PPP1R14C: variants seen among roughly 807,000 people sequenced by gnomAD.
The protein encoded by PPP1R14C is protein phosphatase 1 regulatory subunit 14C.
In PPP1R14C, 16 loss-of-function variants were observed where a neutral mutation model predicts 20.4. The ratio of observed to expected loss-of-function variants is 0.78; its 90% confidence interval spans 0.53 to 1.19. The LOEUF is 1.19. Ranked by LOEUF, PPP1R14C falls within the 50% of genes most tolerant of loss-of-function variation. The pLI, the probability that PPP1R14C is intolerant of heterozygous loss-of-function variation, is 0.00. For missense variants in PPP1R14C, 211 were observed against 220.1 expected (o/e 0.96, Z 0.26); for synonymous variants, 91 against 91.0 (o/e 1.00, Z 0.00).
intron 3 of PPP1R14C, among the ~76,000 whole-genome samples, chr6:150,237,692 G>A (rs757662124): frequency 6.6e-6 from 1 of 152,154 alleles, no homozygotes; most frequent in Non-Finnish European, 1.5e-5. Flanking sequence ...TTGAGGTGAG[G>A]TCTTATTGTC....
At chr6:150,177,192 C>T (rs1020018885) in intron 1 of PPP1R14C, among the ~76,000 whole-genome samples, 1 of 152,220 alleles carries the variant, frequency 6.6e-6, no homozygotes, top group East Asian at 1.9e-4. Flanking sequence ...ATCTTCCCTG[C>T]ACCGTGTGGC....
Position 150,143,260 on chromosome 6 carries a change from T to C in PPP1R14C, c.68T>C (p.Phe23Ser). Residue 23 changes from phenylalanine (F) to serine (S), a missense_variant, in exon 1 of 4, where the codon TTC (phenylalanine) becomes TCC (serine). Coordinates refer to ENST00000361131, the MANE Select transcript of PPP1R14C (RefSeq NM_030949.3). This position sits in a 1 kb window ranked among gnomAD's most constrained non-coding sequence, Gnocchi z 5.6. Reference sequence around the variant, plus strand: ...AGCGGCGGCGGCGCACGGGTTTTCTTCCAAAGCCCCCGGGGTGGCGCCGGT... The same window carrying C: ...AGCGGCGGCGGCGCACGGGTTTTCTCCCAAAGCCCCCGGGGTGGCGCCGGT... ...GASGGGARVF[F>S]QSPRGGAGGS... 2 of 1,462,730 alleles carry C rather than the reference T, an allele frequency of 1.4e-6. No homozygotes were observed. Among genetic ancestry groups the C allele is most frequent in the South Asian group, 2.7e-5 (2 of 74,514 alleles). The allele number at this position is 1,462,730 out of a possible 1,614,324, so 90.6% of individuals were successfully genotyped here. A position where few individuals can be genotyped will look rare whatever the true frequency, so the allele number is the denominator to read the frequency against.
rs781012081 is a variant in PPP1R14C at position 150,201,247 on chromosome 6, G to C, written c.307-13497G>C. ...CCCAGGCACTGCTCTTGGTCCTCCA[G>C]TATGGGGAGGCAGACTGAGAAATGT... On this transcript the variant is annotated intron_variant, in intron 1 of 3. Coordinates refer to ENST00000361131, the MANE Select transcript of PPP1R14C (RefSeq NM_030949.3). This position sits in a 1 kb window ranked among gnomAD's most constrained non-coding sequence, Gnocchi z 4.2. 3.3e-5 allele frequency among the ~76,000 whole-genome samples: 5 copies of C among 152,236 alleles called. No homozygotes were observed. The highest frequency in any genetic ancestry group is 7.3e-5 in the Non-Finnish European group (5 of 68,040).
At chr6:150,214,630 G>T in intron 1 of PPP1R14C, 114 bp from the exon 2 acceptor site, 1 of 708,966 alleles carries the variant, frequency 1.4e-6, no homozygotes, top group Non-Finnish European at 2.4e-6. Flanking sequence ...CTGCTTATCT[G>T]TCAGCCCTTC....
intron 1 of PPP1R14C, among the ~76,000 whole-genome samples, chr6:150,149,405 A>G (rs1777217662): frequency 1.4e-5 from 2 of 147,068 alleles, no homozygotes; most frequent in South Asian, 4.3e-4. Flanking sequence ...GGCTCATTGC[A>G]TCGTTGACCA....
chr6:150,198,486 G>C (rs1351462647), intron 1 of PPP1R14C, among the ~76,000 whole-genome samples: 1 of 152,248 alleles, frequency 6.6e-6, no homozygotes, highest in African/African-American at 2.4e-5. Flanking sequence ...TCCCCTGCCA[G>C]AATGTCCCAT....
intron 1 of PPP1R14C, among the ~76,000 whole-genome samples, chr6:150,155,839 A>G (rs1305146677): frequency 1.3e-5 from 2 of 151,802 alleles, no homozygotes; most frequent in African/African-American, 4.8e-5. Flanking sequence ...AGCCTGAACA[A>G]CATGGTAAGA....
chr6:150,248,777 G>C lies in PPP1R14C; in HGVS notation c.455G>C (p.Arg152Thr). ...ATCAAAGAGCTGCTTTCTCGGATAA[G>C]AGGCATGAGGAAACTGAGCCCTCCG... ...EFIKELLSRI[R>T]GMRKLSPPQK... The change falls in exon 4 of 4, where the codon AGA becomes ACA. Residue 152 changes from arginine (R) to threonine (T), a missense_variant. Coordinates refer to ENST00000361131, the MANE Select transcript of PPP1R14C (RefSeq NM_030949.3). The C allele has an allele frequency of 6.2e-7, 1 of 1,613,284 alleles. No homozygotes were observed. Among genetic ancestry groups the C allele is most frequent in the Non-Finnish European group, 8.5e-7 (1 of 1,179,350 alleles).
At chr6:150,223,699 TG>T (rs1313104563) in intron 3 of PPP1R14C, among the ~76,000 whole-genome samples, 4 of 152,178 alleles carry the variant, frequency 2.6e-5, no homozygotes, top group African/African-American at 9.7e-5. Context: ...TGGGTGTGTT[TG>T]TTTTTTTTTG....
At chr6:150,191,924 A>G (rs1178432435) in intron 1 of PPP1R14C, among the ~76,000 whole-genome samples, 1 of 152,190 alleles carries the variant, frequency 6.6e-6, no homozygotes, top group Non-Finnish European at 1.5e-5. Flanking sequence ...TGAGGTGTAG[A>G]TAGGGAAAGA....
chr6:150,218,364 C>G (rs943610103), intron 3 of PPP1R14C, among the ~76,000 whole-genome samples: 3 of 151,716 alleles, frequency 2.0e-5, no homozygotes, highest in East Asian at 3.9e-4. Flanking sequence ...GATTGCGCCA[C>G]TGCACTCCAG....
chr6:150,241,879 T>G (rs1420393360), intron 3 of PPP1R14C, among the ~76,000 whole-genome samples: 1 of 152,038 alleles, frequency 6.6e-6, no homozygotes, highest in Non-Finnish European at 1.5e-5. Flanking sequence ...AGAGTGAGAC[T>G]CTTGTCTCAA....
chr6:150,183,186 A>ATTTTTTTTTTTTT (rs529133964), intron 1 of PPP1R14C, among the ~76,000 whole-genome samples: 1 of 143,544 alleles, frequency 7.0e-6, no homozygotes. Flanking sequence ...TTTGAAGGGG[A>ATTTTTTTTTTTTT]TTTTTTTTTT....
Position 150,143,238 on chromosome 6 carries a change from G to A in PPP1R14C, c.46G>A (p.Gly16Ser). Residue 16 changes from glycine (G) to serine (S), a missense_variant, in exon 1 of 4, where the codon GGC becomes AGC. Coordinates refer to ENST00000361131, the MANE Select transcript of PPP1R14C (RefSeq NM_030949.3). This position sits in a 1 kb window ranked among gnomAD's most constrained non-coding sequence, Gnocchi z 5.6. Reference sequence around the variant, plus strand: ...CAGCGAGACGGCCGGCGGGGCCAGCGGCGGCGGCGCACGGGTTTTCTTCCA... The same window carrying A: ...CAGCGAGACGGCCGGCGGGGCCAGCAGCGGCGGCGCACGGGTTTTCTTCCA... ...GSSETAGGASGGGARVFFQSP... is the reference protein window; with the variant it reads ...GSSETAGGASSGGARVFFQSP... The A allele has an allele frequency of 7.2e-7, 1 of 1,380,330 alleles. No homozygotes were observed. Among genetic ancestry groups the A allele is most frequent in the Non-Finnish European group, 9.3e-7 (1 of 1,076,950 alleles). 85.5% of individuals were successfully genotyped at this position (1,380,330 alleles called of 1,614,324 possible).
intron 3 of PPP1R14C, among the ~76,000 whole-genome samples, chr6:150,236,757 C>A (rs1422120175): frequency 6.6e-6 from 1 of 152,104 alleles, no homozygotes; most frequent in Non-Finnish European, 1.5e-5. Context: ...TTTGTAGTCC[C>A]TTGAGACGGG....
rs145531056 is a variant in PPP1R14C at position 150,185,984 on chromosome 6, A to G, written c.307-28760A>G. Among the ~76,000 whole-genome samples, 414 of 152,236 alleles carry G rather than the reference A, an allele frequency of 2.7e-3. 3 individuals carry two copies. Among genetic ancestry groups the G allele is most frequent in the African/African-American group, 9.2e-3 (382 of 41,536 alleles). ...GTTCACTGGGCAAAGCAAGTCCCTT[A>G]GTCACACCCAACTTCAGAGGGGCAG... On this transcript the variant is annotated intron_variant, in intron 1 of 3. Coordinates refer to ENST00000361131, the MANE Select transcript of PPP1R14C (RefSeq NM_030949.3). This position sits in a 1 kb window ranked among gnomAD's most constrained non-coding sequence, Gnocchi z 4.1.
At chr6:150,196,012 A>G in intron 1 of PPP1R14C, 1 of 985,448 alleles carries the variant, frequency 1.0e-6, no homozygotes, top group Non-Finnish European at 1.2e-6. Context: ...AACCTGTCTC[A>G]GTGAGTGGGG....
chr6:150,233,052 A>G (rs1778312382), intron 3 of PPP1R14C, among the ~76,000 whole-genome samples: 1 of 152,212 alleles, frequency 6.6e-6, no homozygotes, highest in Non-Finnish European at 1.5e-5. Context: ...CCCATGGGAC[A>G]TCTCATGGAG....
At chr6:150,204,238 C>T (rs572278646) in intron 1 of PPP1R14C, among the ~76,000 whole-genome samples, 3 of 152,342 alleles carry the variant, frequency 2.0e-5, no homozygotes, top group African/African-American at 4.8e-5. Flanking sequence ...CTTATTTTCA[C>T]TCGTCTTACG....
Sources: gnomAD v4.1 joint callset for allele counts (sites outside exome capture counted in the v4.1 genomes callset) on GRCh38, gnomAD v4.1.1 for gene constraint, Gnocchi (gnomAD v3.1) non-coding constraint, MANE v1.5 for transcripts, NCBI Gene and HGNC (gene_info 2026-07-23, HGNC 2026-07-21) for gene names.